The following CYB5D2 variants were observed in gnomAD, a reference collection of about 807,000 sequenced individuals.
The protein encoded by CYB5D2 is neuferricin.
CYB5D2 carries 23 observed loss-of-function variants against 22.8 expected under a neutral mutation model. The observed-to-expected ratio is 1.01, with a 90% confidence interval of 0.73 to 1.43. The LOEUF is 1.43. Ranked by LOEUF, CYB5D2 falls within the 40% of genes most tolerant of loss-of-function variation. CYB5D2 has a pLI of 0.00. For missense variants in CYB5D2, 373 were observed against 357.2 expected (o/e 1.04, Z -0.36); for synonymous variants, 170 against 152.2 (o/e 1.12, Z -0.86).
At position 4,143,746 on chromosome 17, in the gene CYB5D2, G is replaced by T. The variant is rs1475416111; in HGVS notation, c.-10G>T. The T allele has an allele frequency of 1.7e-5, 27 of 1,611,784 alleles. No homozygotes were observed. Among genetic ancestry groups the T allele is most frequent in the Non-Finnish European group, 2.0e-5 (23 of 1,179,038 alleles). On this transcript the variant is annotated 5_prime_UTR_variant, in exon 1 of 4. Coordinates refer to ENST00000301391, the MANE Select transcript of CYB5D2 (RefSeq NM_144611.4). The stretch of plus-strand genomic sequence containing the variant: ...AACCTCGGAAGTGCGGAGCGGGTGG[G>T]CCTATATAGATGTTGAGGTGCGGAG...
In CYB5D2 at chr17:4,144,023, C is replaced by A; in HGVS notation, c.250+18C>A. The A allele has an allele frequency of 6.4e-7, 1 of 1,569,378 alleles. No homozygotes were observed. The highest frequency in any genetic ancestry group is 8.6e-7 in the Non-Finnish European group (1 of 1,157,852). On this transcript the variant is annotated intron_variant, in intron 1 of 3. Coordinates refer to ENST00000301391, the MANE Select transcript of CYB5D2 (RefSeq NM_144611.4). ...CTTCGCAGGTATCAGCGAGGCTGCT[C>A]ACGCCTTTCTCTCCGCTGGCGCGAG... is the stretch of plus-strand genomic sequence containing the variant.
At chr17:4,155,613 C>T (rs776105080) in intron 3 of CYB5D2, among the ~76,000 whole-genome samples, 3 of 152,158 alleles carry the variant, frequency 2.0e-5, no homozygotes, top group Non-Finnish European at 4.4e-5. Context: ...GAGAACCTGG[C>T]CTGCTCACTT....
Position 4,157,086 on chromosome 17 carries a change from G to T in CYB5D2, c.*4G>T, listed in dbSNP as rs202175260. On this transcript the variant is annotated 3_prime_UTR_variant, in exon 4 of 4. Transcript: ENST00000301391. This position sits in a 1 kb window ranked among gnomAD's most constrained non-coding sequence, Gnocchi z 4.4. ...CACATGCTCCTTTCCACTCTAAGCC[G>T]TAGCCTCTTCTGTTAATAACACACA... The T allele has an allele frequency of 1.2e-6, 2 of 1,612,000 alleles. No individual in the cohort carries two copies. The highest frequency in any genetic ancestry group is 1.7e-6 in the Non-Finnish European group (2 of 1,179,908).
chr17:4,149,243 A>G (rs1052881484), intron 1 of CYB5D2, among the ~76,000 whole-genome samples: 1 of 152,198 alleles, frequency 6.6e-6, no homozygotes, highest in Non-Finnish European at 1.5e-5. Flanking sequence ...TTGAAACCAC[A>G]GGTGTGGATG....
At chr17:4,144,960 G>C (rs8064653) in intron 1 of CYB5D2, among the ~76,000 whole-genome samples, 1,622 of 152,184 alleles carry the variant, frequency 0.011, 24 homozygotes, top group African/African-American at 0.038. Context: ...CTAATTTGTT[G>C]AATTTTTAGT....
At chr17:4,155,284 G>C (rs1175889593) in intron 3 of CYB5D2, among the ~76,000 whole-genome samples, 1 of 152,116 alleles carries the variant, frequency 6.6e-6, no homozygotes, top group Non-Finnish European at 1.5e-5. Flanking sequence ...GAGGTGGGGA[G>C]GGTACCTGCA....
At chr17:4,147,515 C>T (rs2059005504) in intron 1 of CYB5D2, among the ~76,000 whole-genome samples, 1 of 152,090 alleles carries the variant, frequency 6.6e-6, no homozygotes, top group African/African-American at 2.4e-5. Context: ...GAGGCTGTAA[C>T]CGATTTGAAG....
chr17:4,150,875 A>G (rs1414978356), intron 2 of CYB5D2: 1 of 152,254 alleles, frequency 6.6e-6, no homozygotes, highest in Non-Finnish European at 1.5e-5. Context: ...GAAAGACACT[A>G]AACACTAGAT....
chr17:4,157,138 G>A lies in CYB5D2; in HGVS notation c.*56G>A. On this transcript the variant is annotated 3_prime_UTR_variant, in exon 4 of 4. Coordinates refer to ENST00000301391, the MANE Select transcript of CYB5D2 (RefSeq NM_144611.4). This position sits in a 1 kb window ranked among gnomAD's most constrained non-coding sequence, Gnocchi z 4.4. Reference sequence around the variant, plus strand: ...AGAGCTCTGCCAAGCACCTGAGTAGGCCCTTGACACTTGTGTGCCCTGGGA... The same window carrying A: ...AGAGCTCTGCCAAGCACCTGAGTAGACCCTTGACACTTGTGTGCCCTGGGA... 1 of 1,576,866 alleles carries A rather than the reference G, an allele frequency of 6.3e-7. No homozygotes were observed. The highest frequency in any genetic ancestry group is 8.6e-7 in the Non-Finnish European group (1 of 1,156,380).
In CYB5D2 at chr17:4,143,657, G is replaced by A. The variant is rs1006210268; in HGVS notation, c.-99G>A. On this transcript the variant is annotated 5_prime_UTR_variant, in exon 1 of 4. Transcript: ENST00000301391. Reference sequence around the variant, plus strand: ...CACTAGCGCGCGAGAGAGAGAGCGAGAGCGCGCGCGCCGATGACGTCACGC... The same window carrying A: ...CACTAGCGCGCGAGAGAGAGAGCGAAAGCGCGCGCGCCGATGACGTCACGC... The A allele has an allele frequency of 1.3e-6, 2 of 1,498,224 alleles. No individual in the cohort carries two copies. The highest frequency in any genetic ancestry group is 2.8e-5 in the African/African-American group (2 of 71,392). The allele number at this position is 1,498,224 out of a possible 1,614,324, so 92.8% of individuals were successfully genotyped here. A position where few individuals can be genotyped will look rare whatever the true frequency, so the allele number is the denominator to read the frequency against.
chr17:4,147,746 A>T (rs1156935203), intron 1 of CYB5D2, among the ~76,000 whole-genome samples: 1 of 152,174 alleles, frequency 6.6e-6, no homozygotes, highest in African/African-American at 2.4e-5. Flanking sequence ...CCAGCTACTC[A>T]GGAGACTGAG....
At chr17:4,144,464 C>G (rs914641703) in intron 1 of CYB5D2, among the ~76,000 whole-genome samples, 35 of 152,064 alleles carry the variant, frequency 2.3e-4, no homozygotes, top group African/African-American at 7.5e-4. Flanking sequence ...TTTCAAGGTT[C>G]ATCCATGGTT....
At chr17:4,145,385 CA>C (rs1287561512) in intron 1 of CYB5D2, among the ~76,000 whole-genome samples, 1 of 152,216 alleles carries the variant, frequency 6.6e-6, no homozygotes, top group African/African-American at 2.4e-5. Context: ...GGGACTTACT[CA>C]GGGGTACACA....
intron 1 of CYB5D2, among the ~76,000 whole-genome samples, chr17:4,144,414 C>G (rs537846489): frequency 6.6e-6 from 1 of 152,066 alleles, no homozygotes; most frequent in Non-Finnish European, 1.5e-5. Flanking sequence ...ATGCCCTGGT[C>G]CCAAATAATC....
chr17:4,152,063 A>T (rs1390112531), intron 2 of CYB5D2, among the ~76,000 whole-genome samples: 1 of 151,932 alleles, frequency 6.6e-6, no homozygotes, highest in East Asian at 1.9e-4. Context: ...CAGGCCAAAT[A>T]CTTCATACTA....
At chr17:4,148,717 G>A (rs146159503) in intron 1 of CYB5D2, among the ~76,000 whole-genome samples, 1,816 of 151,034 alleles carry the variant, frequency 0.012, 25 homozygotes, top group Non-Finnish European at 0.017. Flanking sequence ...CCAGCTACTC[G>A]GGAGGCTGAG....
At chr17:4,146,694 G>GC (rs1321903554) in intron 1 of CYB5D2, among the ~76,000 whole-genome samples, 5 of 142,922 alleles carry the variant, frequency 3.5e-5, no homozygotes, top group Admixed American at 2.9e-4. Flanking sequence ...CTGGCCCGGT[G>GC]GGTTTTTTTT....
In CYB5D2 at chr17:4,157,272, G is replaced by A. The variant is rs540874651; in HGVS notation, c.*190G>A. The A allele has an allele frequency of 1.5e-5, 10 of 653,502 alleles. No homozygotes were observed. The highest frequency in any genetic ancestry group is 9.5e-5 in the South Asian group (5 of 52,480). The allele number at this position is 653,502 out of a possible 1,614,324, so 40.5% of individuals were successfully genotyped here. On this transcript the variant is annotated 3_prime_UTR_variant, in exon 4 of 4. Coordinates refer to ENST00000301391, the MANE Select transcript of CYB5D2 (RefSeq NM_144611.4). The surrounding 1 kb of genome is among the most constrained non-coding windows in gnomAD (Gnocchi z 4.4). Reference sequence around the variant, plus strand: ...GCGTTGTGGTGCCTGAGGGACAGCCGGCCACCTGCCCAGTACTGGTCAGCT... The same window carrying A: ...GCGTTGTGGTGCCTGAGGGACAGCCAGCCACCTGCCCAGTACTGGTCAGCT...
chr17:4,146,047 C>A (rs899812916), intron 1 of CYB5D2, among the ~76,000 whole-genome samples: 1 of 152,172 alleles, frequency 6.6e-6, no homozygotes, highest in African/African-American at 2.4e-5. Flanking sequence ...GATTCAGCCG[C>A]TGAAAGTGTT....
Sources: allele counts gnomAD v4.1 joint callset (sites outside exome capture counted in the v4.1 genomes callset), GRCh38; gene constraint gnomAD v4.1.1; non-coding constraint Gnocchi (gnomAD v3.1); transcripts MANE v1.5; gene names NCBI Gene and HGNC (gene_info 2026-07-23, HGNC 2026-07-21).